C4BPA: variants seen among roughly 807,000 people sequenced by gnomAD.
C4BPA encodes the protein complement component 4 binding protein alpha.
A neutral mutation model predicts 63.7 loss-of-function variants in C4BPA; 31 were observed. That is an observed-to-expected ratio of 0.49 (90% CI 0.37 to 0.66). C4BPA has a LOEUF of 0.66. Ranked by LOEUF, C4BPA falls within the 30% of genes least tolerant of loss-of-function variation. The pLI is 0.00. For synonymous variants in C4BPA, 259 were observed against 254.7 expected (o/e 1.02, Z -0.16); for missense variants, 572 against 723.3 (o/e 0.79, Z 2.40).
intron 4 of C4BPA, among the ~76,000 whole-genome samples, chr1:207,122,513 T>C (rs1684939912): frequency 6.6e-6 from 1 of 152,198 alleles, no homozygotes; most frequent in Non-Finnish European, 1.5e-5. Context: ...TTTGCTACTA[T>C]GTGATGTGCA....
intron 8 of C4BPA, 117 bp downstream of exon 8, chr1:207,131,857 A>C: frequency 1.4e-6 from 1 of 707,552 alleles, no homozygotes; most frequent in Admixed American, 3.0e-5. Context: ...AAGTTAATTC[A>C]ACAGATTAGT....
intron 6 of C4BPA, 123 bp downstream of exon 6, chr1:207,124,489 G>A (rs150462535): frequency 5.6e-5 from 40 of 715,558 alleles, no homozygotes; most frequent in South Asian, 7.6e-5. Flanking sequence ...TCGCTCTGAT[G>A]CAATCATTTA....
chr1:207,133,213 T>C (rs911903323), intron 8 of C4BPA, among the ~76,000 whole-genome samples: 7 of 152,372 alleles, frequency 4.6e-5, no homozygotes, highest in Admixed American at 6.5e-5. Context: ...ATAAATATTA[T>C]TGTTGTTTTA....
rs549271853 is a variant in C4BPA at position 207,144,067 on chromosome 1, C to T, written c.1620+74C>T. ...GGTGGCATCCCCCAGAGCTCTGTACCACTCAACAATGGTGAAATCTGACTT... is the reference window on the plus strand; with the variant it reads ...GGTGGCATCCCCCAGAGCTCTGTACTACTCAACAATGGTGAAATCTGACTT... On this transcript the variant is annotated intron_variant, in intron 11 of 11. Transcript: ENST00000367070. The T allele has an allele frequency of 8.5e-5, 90 of 1,058,386 alleles. 1 individual carries two copies. Among genetic ancestry groups the T allele is most frequent in the Admixed American group, 1.4e-4 (5 of 35,792 alleles). The allele number at this position is 1,058,386 out of a possible 1,614,324, so 65.6% of individuals were successfully genotyped here.
intron 8 of C4BPA, 152 bp downstream of exon 8, chr1:207,131,892 C>T (rs1432990255): frequency 5.0e-6 from 3 of 603,306 alleles, no homozygotes; most frequent in East Asian, 5.6e-5. Context: ...AGAAGGGGAC[C>T]ATAAACATGT....
intron 4 of C4BPA, among the ~76,000 whole-genome samples, chr1:207,122,619 G>C (rs1684942732): frequency 6.6e-6 from 1 of 152,124 alleles, no homozygotes; most frequent in South Asian, 2.1e-4. Context: ...CTTTGCCCAG[G>C]CTGGAGTGCA....
At chr1:207,130,812 G>C (rs12725885) in intron 7 of C4BPA, among the ~76,000 whole-genome samples, 1 of 152,112 alleles carries the variant, frequency 6.6e-6, no homozygotes, top group East Asian at 1.9e-4. Flanking sequence ...TGGAAATAGG[G>C]AGTGACTGAT....
intron 5 of C4BPA, 56 bp from the exon 6 acceptor site, chr1:207,124,119 A>G: frequency 6.4e-7 from 1 of 1,559,672 alleles, no homozygotes; most frequent in East Asian, 2.3e-5. Context: ...CATGAATTTT[A>G]GATTTATCAT....
At chr1:207,125,400 T>C (rs1288900465) in intron 6 of C4BPA, among the ~76,000 whole-genome samples, 1 of 152,154 alleles carries the variant, frequency 6.6e-6, no homozygotes, top group Non-Finnish European at 1.5e-5. Flanking sequence ...AAAACTTAAC[T>C]GACAGTCACC....
rs1275721903 is a variant in C4BPA at position 207,134,571 on chromosome 1, C to T, written c.1252C>T (p.Arg418Ter). 3.1e-6 allele frequency: 5 copies of T among 1,612,602 alleles called. No homozygotes were observed. Among genetic ancestry groups the T allele is most frequent in the South Asian group, 1.1e-5 (1 of 90,980 alleles). Residue 418 changes from arginine to a stop codon, truncating the protein, a stop_gained, in exon 9 of 12, where the codon CGA (arginine) becomes TGA (stop). Coordinates refer to ENST00000367070, the MANE Select transcript of C4BPA (RefSeq NM_000715.4). LOFTEE classifies it high-confidence loss of function. ...CCAAGGAGATGGCACGTGGAGTCCC[C>T]GAACACCATCATGTGGAGACAGTAA... ...ICQGDGTWSPRTPSCGDICNF... is the reference protein window; with the variant it reads ...ICQGDGTWSP
At chr1:207,136,247 A>G (rs1685277033) in intron 9 of C4BPA, among the ~76,000 whole-genome samples, 1 of 152,182 alleles carries the variant, frequency 6.6e-6, no homozygotes, top group African/African-American at 2.4e-5. Flanking sequence ...TGCCACCACA[A>G]CCACTCTGCT....
intron 9 of C4BPA, among the ~76,000 whole-genome samples, chr1:207,135,582 T>G (rs1274085957): frequency 1.3e-5 from 2 of 152,112 alleles, no homozygotes; most frequent in Non-Finnish European, 2.9e-5. Context: ...AGCACAAATT[T>G]CCCAAGTAGG....
chr1:207,118,227 CT>C (rs1314141624), intron 4 of C4BPA, among the ~76,000 whole-genome samples: 1 of 151,258 alleles, frequency 6.6e-6, no homozygotes, highest in Admixed American at 6.6e-5. Context: ...ATCTATCTAT[CT>C]ATCTATCTAT....
intron 6 of C4BPA, among the ~76,000 whole-genome samples, chr1:207,125,363 C>T (rs1227945922): frequency 6.6e-6 from 1 of 152,212 alleles, no homozygotes; most frequent in Non-Finnish European, 1.5e-5. Context: ...ATAACTCTGG[C>T]TGTGGGACAA....
At chr1:207,131,402 G>A in intron 7 of C4BPA, 144 bp from the exon 8 acceptor site, 2 of 604,404 alleles carry the variant, frequency 3.3e-6, no homozygotes, top group South Asian at 4.2e-5. Context: ...TGTGTTTTCT[G>A]GTGTGGTTGA....
At chr1:207,112,915 A>G in intron 1 of C4BPA, 86 bp from the exon 2 acceptor site, 1 of 1,259,308 alleles carries the variant, frequency 7.9e-7, no homozygotes, top group Non-Finnish European at 1.1e-6. Flanking sequence ...ATTTCCTTGA[A>G]GACATGGATC....
chr1:207,138,479 A>G (rs1256707153), intron 9 of C4BPA, among the ~76,000 whole-genome samples: 1 of 152,214 alleles, frequency 6.6e-6, no homozygotes, highest in African/African-American at 2.4e-5. Context: ...CAGAAAGCAT[A>G]CAGTCCTCTA....
chr1:207,110,245 G>T (rs564071159), intron 1 of C4BPA, among the ~76,000 whole-genome samples: 1 of 152,256 alleles, frequency 6.6e-6, no homozygotes, highest in Non-Finnish European at 1.5e-5. Flanking sequence ...CTGGCAGAAT[G>T]AGTAGGAATT....
rs1684882028 is a variant in C4BPA, at chr1:207,119,660, A to G, written c.428+4145A>G. On this transcript the variant is annotated intron_variant, in intron 4 of 11. Transcript: ENST00000367070. Reference sequence around the variant, plus strand: ...AGTCATATCTCCCCTTTGATATTCTATAACTTAAATATTGAGATGTAAGGT... The same window carrying G: ...AGTCATATCTCCCCTTTGATATTCTGTAACTTAAATATTGAGATGTAAGGT... Among the ~76,000 whole-genome samples the G allele has an allele frequency of 2.1e-5, 2 of 93,026 alleles. 1 individual carries two copies. The highest frequency in any genetic ancestry group is 6.0e-5 in the African/African-American group (2 of 33,280). The allele number at this position is 93,026 out of a possible 152,430, so 61.0% of individuals were successfully genotyped here. A position where few individuals can be genotyped will look rare whatever the true frequency, so the allele number is the denominator to read the frequency against.
Sources: allele counts gnomAD v4.1 joint callset (sites outside exome capture counted in the v4.1 genomes callset), GRCh38; gene constraint gnomAD v4.1.1; transcripts MANE v1.5; gene names NCBI Gene and HGNC (gene_info 2026-07-23, HGNC 2026-07-21).